Variants in PSMG2 observed in about 807,000 individuals in gnomAD.
PSMG2 encodes the protein proteasome assembly chaperone 2.
In PSMG2, 21 loss-of-function variants were observed where a neutral mutation model predicts 31.5. That is an observed-to-expected ratio of 0.67 (90% CI 0.47 to 0.96). The LOEUF (loss-of-function observed/expected upper bound fraction) is 0.96. Among genes scored for constraint, PSMG2 ranks in the 40% least tolerant of loss-of-function variants. PSMG2 has a pLI of 0.00. For missense variants in PSMG2, 318 were observed against 321.2 expected, an observed-to-expected ratio of 0.99 and a Z score of 0.08; for synonymous variants, 120 against 110.4, an observed-to-expected ratio of 1.09 and a Z score of -0.54.
upstream of PSMG2, chr18:12,700,891 T>G: frequency 7.5e-7 from 1 of 1,335,818 alleles, no homozygotes; most frequent in Non-Finnish European, 1.0e-6. Context: ...ATCGGAACCT[T>G]ATAAGTAGTG....
chr18:12,712,731 GC>G lies in PSMG2; in HGVS notation c.260del (p.Ala87ValfsTer4). 2 of 1,608,138 alleles carry G rather than the reference GC, an allele frequency of 1.2e-6. No homozygotes were observed. The highest frequency in any genetic ancestry group is 1.7e-6 in the Non-Finnish European group (2 of 1,175,938). On this transcript the variant is annotated frameshift_variant, in exon 3 of 7. Transcript: ENST00000317615. LOFTEE classifies it high-confidence loss of function. ...TTCATTGCCTTCAAGAAAGCTGGTG[GC>G]TCTACAGTTAAGATCCATTTTTATT... ...VYSLPSRKLVALQLRSIFIKY... is the reference protein window; with the variant it reads ...VYSLPSRKLVXLQLRSIFIKY...
At chr18:12,688,087 CA>C (rs200845983) in intron 1 of PSMG2, among the ~76,000 whole-genome samples, 1 of 151,090 alleles carries the variant, frequency 6.6e-6, no homozygotes, top group Non-Finnish European at 1.5e-5. Flanking sequence ...ACTAAAAATA[CA>C]AAAAAAATTA....
chr18:12,705,198 G>A (rs1488511490), intron 1 of PSMG2, among the ~76,000 whole-genome samples: 1 of 151,942 alleles, frequency 6.6e-6, no homozygotes, highest in Non-Finnish European at 1.5e-5. Flanking sequence ...CCGAGTAGCT[G>A]GGATTATAGG....
intron 1 of PSMG2, chr18:12,680,651 A>G (rs757419806): frequency 6.5e-7 from 1 of 1,548,802 alleles, no homozygotes; most frequent in South Asian, 1.2e-5. Context: ...TTATAAACTT[A>G]GTAAACTAAC....
intron 3 of PSMG2, among the ~76,000 whole-genome samples, chr18:12,716,769 A>G (rs1481156560): frequency 6.6e-6 from 1 of 152,020 alleles, no homozygotes; most frequent in African/African-American, 2.4e-5. Context: ...AGTACCTTAT[A>G]TTTATTACTT....
At chr18:12,701,830 G>A (rs2145120681), upstream of PSMG2, among the ~76,000 whole-genome samples, 1 of 152,326 alleles carries the variant, frequency 6.6e-6, no homozygotes, top group East Asian at 1.9e-4. Context: ...TGTTTCAGCG[G>A]TAAAGAAACC....
intron 3 of PSMG2, among the ~76,000 whole-genome samples, chr18:12,713,995 C>G (rs1300071401): frequency 6.6e-6 from 1 of 152,126 alleles, no homozygotes; most frequent in Non-Finnish European, 1.5e-5. Flanking sequence ...AAGTGATCCA[C>G]CCACCTTGGC....
intron 1 of PSMG2, chr18:12,673,561 A>C: frequency 7.4e-7 from 1 of 1,345,986 alleles, no homozygotes; most frequent in South Asian, 1.3e-5. Context: ...TTAATTCCTT[A>C]TTTGCAAGTA....
upstream of PSMG2, chr18:12,699,326 A>G: frequency 4.6e-6 from 3 of 653,080 alleles, no homozygotes; most frequent in South Asian, 6.3e-5. Context: ...AAAAAAGCAA[A>G]AGAGTAACAA....
chr18:12,677,378 C>T (rs781173658), intron 1 of PSMG2, among the ~76,000 whole-genome samples: 43 of 141,376 alleles, frequency 3.0e-4, no homozygotes, highest in Non-Finnish European at 5.2e-4. Context: ...GTAGAGGTTG[C>T]AGTGAACCAA....
At chr18:12,674,074 C>G (rs1276598353) in intron 1 of PSMG2, among the ~76,000 whole-genome samples, 1 of 151,972 alleles carries the variant, frequency 6.6e-6, no homozygotes, top group African/African-American at 2.4e-5. Context: ...CCAAATGAAT[C>G]AAAATCTGTG....
intron 1 of PSMG2, chr18:12,674,473 C>T (rs532030984): frequency 1.6e-6 from 2 of 1,232,322 alleles, no homozygotes; most frequent in Admixed American, 4.5e-5. Context: ...TTAAAAAAAC[C>T]CCTGCCGGAC....
In PSMG2 at chr18:12,725,531, A is replaced by T; in HGVS notation, c.795A>T (p.Ter265CysextTer19). 6.3e-7 allele frequency: 1 copy of T among 1,577,336 alleles called. No individual in the cohort carries two copies. The change falls in exon 7 of 7, where the codon TGA becomes TGT. Residue 265 changes from the stop codon to cysteine, a stop_lost. Transcript: ENST00000317615. ...FGSGLPPALF[*>C] ...GTGGTCTTCCCCCTGCACTTTTCTG[A>T]TCTAATTTCTGTTTTATACCTTATA...
chr18:12,662,749 C>T (rs2038720719), intron 1 of PSMG2, among the ~76,000 whole-genome samples: 1 of 152,198 alleles, frequency 6.6e-6, no homozygotes, highest in South Asian at 2.1e-4. Context: ...TGCCCTCCAG[C>T]CTGGGCGATA....
intron 1 of PSMG2, among the ~76,000 whole-genome samples, chr18:12,667,535 G>A (rs572152840): frequency 6.6e-6 from 1 of 152,226 alleles, no homozygotes; most frequent in African/African-American, 2.4e-5. Context: ...GCCAAGGCAG[G>A]TGGATCACAA....
chr18:12,698,951 T>C (rs748148615), upstream of PSMG2: 1 of 1,451,980 alleles, frequency 6.9e-7, no homozygotes, highest in Admixed American at 1.9e-5. Flanking sequence ...TTTACTCAAT[T>C]AAATGACAAT....
intron 1 of PSMG2, among the ~76,000 whole-genome samples, chr18:12,664,738 G>A (rs2038771150): frequency 6.8e-6 from 1 of 146,686 alleles, no homozygotes; most frequent in South Asian, 2.1e-4. Flanking sequence ...TTGCTCTGTC[G>A]CTCAGGCTGG....
intron 1 of PSMG2, among the ~76,000 whole-genome samples, chr18:12,695,685 G>A (rs2039929860): frequency 6.6e-6 from 1 of 151,848 alleles, no homozygotes; most frequent in African/African-American, 2.4e-5. Flanking sequence ...TGCTTGGTGG[G>A]ATTACAGGCA....
At chr18:12,679,701 A>C (rs935131481) in intron 1 of PSMG2, among the ~76,000 whole-genome samples, 2 of 152,222 alleles carry the variant, frequency 1.3e-5, no homozygotes, top group Non-Finnish European at 2.9e-5. Context: ...TAACCACATC[A>C]AATTTTAAAA....
Sources: allele counts gnomAD v4.1 joint callset (sites outside exome capture counted in the v4.1 genomes callset), GRCh38; gene constraint gnomAD v4.1.1; transcripts MANE v1.5; gene names NCBI Gene and HGNC (gene_info 2026-07-23, HGNC 2026-07-21).